CADPS2: variants seen among roughly 807,000 people sequenced by gnomAD.
CADPS2 encodes the protein calcium dependent secretion activator 2.
Under a neutral mutation model 172.5 loss-of-function variants are expected in CADPS2, and 93 were observed. The observed-to-expected ratio is 0.54, with a 90% CI of 0.46 to 0.64. The LOEUF (loss-of-function observed/expected upper bound fraction) is 0.64. Among genes scored for constraint, CADPS2 ranks in the 30% least tolerant of loss-of-function variants. The pLI, the probability that CADPS2 is intolerant of heterozygous loss-of-function variation, is 0.00. For missense variants in CADPS2, 1,420 were observed against 1,565.9 expected, an observed-to-expected ratio of 0.91 and a Z score of 1.57; for synonymous variants, 546 against 555.2, an observed-to-expected ratio of 0.98 and a Z score of 0.23.
intron 14 of CADPS2, among the ~76,000 whole-genome samples, chr7:122,464,279 T>C (rs2054854659): frequency 6.6e-6 from 1 of 152,102 alleles, no homozygotes; most frequent in Admixed American, 6.5e-5. Flanking sequence ...GCAGGAACAA[T>C]CTGAGCAACA....
At position 122,651,789 on chromosome 7, in the gene CADPS2, T is replaced by C. The variant is rs140106790; in HGVS notation, c.786+11448A>G. Among the ~76,000 whole-genome samples the C allele has an allele frequency of 5.9e-5, 9 of 152,318 alleles. No individual in the cohort carries two copies. The East Asian group carries it at 1.2e-3, about 20-fold the overall frequency. ...GAAAAGAGCAGGGTCTAGATAGCTATAAAATTTAGTTACTTAATCATTTTA... is the reference window on the plus strand; with the variant it reads ...GAAAAGAGCAGGGTCTAGATAGCTACAAAATTTAGTTACTTAATCATTTTA... On this transcript the variant is annotated intron_variant, in intron 3 of 29. Transcript: ENST00000449022.
At chr7:122,850,841 T>C (rs903689804) in intron 1 of CADPS2, among the ~76,000 whole-genome samples, 1 of 152,206 alleles carries the variant, frequency 6.6e-6, no homozygotes, top group Non-Finnish European at 1.5e-5. Context: ...GCATTGTCCC[T>C]GTGGCTAACA....
At chr7:122,684,654 CA>C (rs35862887) in intron 2 of CADPS2, among the ~76,000 whole-genome samples, 7,773 of 152,006 alleles carry the variant, frequency 0.051, 258 homozygotes, top group African/African-American at 0.059. Context: ...TAAAATACCT[CA>C]AAAAAACCTT....
chr7:122,773,512 G>A (rs2093769019), intron 1 of CADPS2, among the ~76,000 whole-genome samples: 1 of 151,928 alleles, frequency 6.6e-6, no homozygotes, highest in Admixed American at 6.5e-5. Context: ...CTTTAATACT[G>A]TGCATTAAAC....
At position 122,319,621 on chromosome 7, in the gene CADPS2, GTACTAAGAACCAAGATTA is replaced by G. The variant is rs2031964251; in HGVS notation, c.*526_*543del. 1.3e-5 allele frequency: 2 copies of G among 152,208 alleles called. No individual in the cohort carries two copies. Among genetic ancestry groups the G allele is most frequent in the Admixed American group, 1.3e-4 (2 of 15,284 alleles). The allele number at this position is 152,208 out of a possible 1,614,324, so 9.4% of individuals were successfully genotyped here. A position where few individuals can be genotyped will look rare whatever the true frequency, so the allele number is the denominator to read the frequency against. The stretch of plus-strand genomic sequence containing the variant: ...GAATATACCTGTAGACCAATTCAAA[GTACTAAGAACCAAGATTA>G]AAGATTTTATACACATCACAATAAT... On this transcript the variant is annotated 3_prime_UTR_variant, in exon 30 of 30. Transcript: ENST00000449022.
At chr7:122,507,321 G>A (rs912306541) in intron 9 of CADPS2, among the ~76,000 whole-genome samples, 15 of 152,102 alleles carry the variant, frequency 9.9e-5, no homozygotes, top group African/African-American at 3.6e-4. Flanking sequence ...GGGACTTAGA[G>A]GTGGCCTAAC....
chr7:122,681,234 G>T (rs1260119324), intron 2 of CADPS2: 39 of 703,594 alleles, frequency 5.5e-5, no homozygotes, highest in Non-Finnish European at 6.6e-5. Context: ...CATATGTAAT[G>T]AACCTGCACA....
At chr7:122,637,318 CAAG>C (rs2077179290) in intron 3 of CADPS2, among the ~76,000 whole-genome samples, 1 of 151,096 alleles carries the variant, frequency 6.6e-6, no homozygotes, top group South Asian at 2.1e-4. Flanking sequence ...CTCAGCCTCC[CAAG>C]TAGTTGGGAC....
At chr7:122,843,909 G>A (rs1170335157) in intron 1 of CADPS2, among the ~76,000 whole-genome samples, 1 of 152,230 alleles carries the variant, frequency 6.6e-6, no homozygotes, top group Non-Finnish European at 1.5e-5. Flanking sequence ...AAGGCATTAT[G>A]AGCAGAGAGG....
At chr7:122,468,889 CTTCCT>C (rs1384296770) in intron 14 of CADPS2, among the ~76,000 whole-genome samples, 1 of 152,152 alleles carries the variant, frequency 6.6e-6, no homozygotes, top group Non-Finnish European at 1.5e-5. Flanking sequence ...CCCTATATTT[CTTCCT>C]TTCTTTTTCT....
rs1207955723 is a variant in CADPS2, at chr7:122,569,385, T to C, written c.1335+11794A>G. 9.9e-5 allele frequency among the ~76,000 whole-genome samples: 15 copies of C among 151,680 alleles called. No individual in the cohort carries two copies. In the East Asian group the frequency reaches 1.4e-3, roughly 14 times the overall value. On this transcript the variant is annotated intron_variant, in intron 7 of 29. Transcript: ENST00000449022. ...CACTGCTCAAGGAAATAAAAGAAGA[T>C]ACAAACAAATGGAAGACCATTCCAT...
intron 12 of CADPS2, among the ~76,000 whole-genome samples, chr7:122,477,004 AGAG>A (rs1349094674): frequency 2.9e-5 from 2 of 69,334 alleles, no homozygotes; most frequent in Non-Finnish European, 5.5e-5. Context: ...AGGGGAGAGG[AGAG>A]GAGAGGAGAG....
rs1263632864 is a variant in CADPS2 at position 122,632,870 on chromosome 7, G to A, written c.787-3542C>T. Among the ~76,000 whole-genome samples, 5 of 152,216 alleles carry A rather than the reference G, an allele frequency of 3.3e-5. No homozygotes were observed. In the East Asian group the frequency reaches 5.8e-4, roughly 18 times the overall value. ...GTTAATCCACCCTGAGTTAATTTTCGTATATGATGAAAGGTAGGGGTCTAG... is the reference window on the plus strand; with the variant it reads ...GTTAATCCACCCTGAGTTAATTTTCATATATGATGAAAGGTAGGGGTCTAG... On this transcript the variant is annotated intron_variant, in intron 3 of 29. Transcript: ENST00000449022.
chr7:122,844,419 A>G (rs1811400335), intron 1 of CADPS2, among the ~76,000 whole-genome samples: 1 of 152,256 alleles, frequency 6.6e-6, no homozygotes. Flanking sequence ...TCTCATTTCC[A>G]GGAGATGAAT....
intron 25 of CADPS2, among the ~76,000 whole-genome samples, chr7:122,373,936 C>A (rs1044422378): frequency 6.6e-6 from 1 of 152,014 alleles, no homozygotes; most frequent in African/African-American, 2.4e-5. Context: ...GATACCAAAG[C>A]CAGACAAAAG....
At chr7:122,482,599 T>G (rs1212878871) in intron 11 of CADPS2, among the ~76,000 whole-genome samples, 1 of 152,146 alleles carries the variant, frequency 6.6e-6, no homozygotes, top group Non-Finnish European at 1.5e-5. Context: ...AAAAGTTTAT[T>G]AAACGCTGCA....
intron 6 of CADPS2, among the ~76,000 whole-genome samples, chr7:122,611,664 A>T (rs917064367): frequency 6.6e-6 from 1 of 152,056 alleles, no homozygotes; most frequent in Non-Finnish European, 1.5e-5. Context: ...TAAAAAATAC[A>T]AATTCTTCAT....
intron 7 of CADPS2, among the ~76,000 whole-genome samples, chr7:122,561,295 C>G (rs2065735210): frequency 6.6e-6 from 1 of 151,894 alleles, no homozygotes. Flanking sequence ...CTTGGCCCAA[C>G]AGAGAACCAC....
chr7:122,592,081 C>A (rs1250126833), intron 6 of CADPS2, among the ~76,000 whole-genome samples: 2 of 152,106 alleles, frequency 1.3e-5, no homozygotes, highest in African/African-American at 4.8e-5. Context: ...TTTTTGCAAT[C>A]TACTCATCTG....
Sources: allele counts gnomAD v4.1 joint callset (sites outside exome capture counted in the v4.1 genomes callset), GRCh38; gene constraint gnomAD v4.1.1; transcripts MANE v1.5; gene names NCBI Gene and HGNC (gene_info 2026-07-23, HGNC 2026-07-21).